SLC26A5: variants seen among roughly 807,000 people sequenced by gnomAD.
The protein encoded by SLC26A5 is prestin.
SLC26A5 carries 51 observed loss-of-function variants against 81.0 expected under a neutral mutation model. The observed-to-expected ratio is 0.63, with a 90% CI of 0.50 to 0.80. The LOEUF is 0.80. SLC26A5 is among the 30% of genes least tolerant of loss of function. The pLI is 0.00. For synonymous variants in SLC26A5, 325 were observed against 332.8 expected, an observed-to-expected ratio of 0.98 and a Z score of 0.25; for missense variants, 771 against 905.8, an observed-to-expected ratio of 0.85 and a Z score of 1.91.
At chr7:103,398,878 G>A (rs530405102) in intron 8 of SLC26A5, among the ~76,000 whole-genome samples, 4 of 152,212 alleles carry the variant, frequency 2.6e-5, no homozygotes, top group African/African-American at 9.6e-5. Context: ...CTTTTGATGG[G>A]AGGATCCTTT....
In SLC26A5 at chr7:103,438,381, TTTC is replaced by T. The variant is rs200991643; in HGVS notation, c.-54+4699_-54+4701del. On this transcript the variant is annotated intron_variant, in intron 2 of 19. Transcript: ENST00000306312. Reference sequence around the variant, plus strand: ...TTAAAAAAATTTCTTTATATTGAGATTTCTTTTCTTTTTTTTTTTTTGAGATGG... The same window carrying T: ...TTAAAAAAATTTCTTTATATTGAGATTTTTCTTTTTTTTTTTTTGAGATGG... Among the ~76,000 whole-genome samples the T allele has an allele frequency of 7.3e-3, 1,083 of 148,574 alleles. 10 individuals are homozygous for T. The highest frequency in any genetic ancestry group is 0.027 in the African/African-American group (1,041 of 38,326).
In SLC26A5 at chr7:103,391,727, A is replaced by G; in HGVS notation, c.1128T>C (p.Ile376=). The part of the protein sequence containing the change: ...GYQVDGNQEL[I]ALGLCNSIGS... ...CAATGGAATTGCACAGTCCCAGGGC[A>G]ATGAGCTCCTTTCCCATGTAGAAAC... The change falls in exon 11 of 20, where the codon ATT becomes ATC. Residue 376 remains isoleucine (I), a synonymous_variant. Coordinates refer to ENST00000306312, the MANE Select transcript of SLC26A5 (RefSeq NM_198999.3). 6.2e-7 allele frequency: 1 copy of G among 1,613,772 alleles called. No individual in the cohort carries two copies. Among genetic ancestry groups the G allele is most frequent in the Non-Finnish European group, 8.5e-7 (1 of 1,179,838 alleles).
chr7:103,415,412 G>T (rs1198692971), intron 4 of SLC26A5, among the ~76,000 whole-genome samples: 1 of 152,076 alleles, frequency 6.6e-6, no homozygotes, highest in East Asian at 1.9e-4. Context: ...CATTCTCAAA[G>T]GAGAGCGCTC....
downstream of SLC26A5, among the ~76,000 whole-genome samples, chr7:103,372,862 A>G (rs1184219883): frequency 7.8e-6 from 1 of 128,726 alleles, no homozygotes; most frequent in African/African-American, 2.9e-5. Context: ...CCACCATCAC[A>G]CCAGAAAAGG....
Position 103,389,350 on chromosome 7 carries a change from C to T in SLC26A5, c.1386G>A (p.Trp462Ter). ...TTACCAGCTCTATTTTGCTGGTTCT[C>T]CAGAAAAAGGGGAGATCTGAGAACT... ...FMQFSDLPFF[W>*]RTSKIELTIW... is the part of the protein sequence containing the mutation. The change falls in exon 13 of 20, where the codon TGG becomes TGA. Residue 462 changes from tryptophan (W) to a stop codon, truncating the protein, a stop_gained. Transcript: ENST00000306312. LOFTEE classifies it high-confidence loss of function. 6.2e-7 allele frequency: 1 copy of T among 1,613,826 alleles called. No homozygotes were observed. Among genetic ancestry groups the T allele is most frequent in the Non-Finnish European group, 8.5e-7 (1 of 1,179,736 alleles).
chr7:103,364,981 A>ATATATATATATATATATT (rs950613120), intron 19 of SLC26A5, among the ~76,000 whole-genome samples: 12 of 140,792 alleles, frequency 8.5e-5, no homozygotes, highest in Non-Finnish European at 1.5e-4. Flanking sequence ...ATATATATAT[A>ATATATATATATATATATT]TATTTAGAGA....
At chr7:103,387,281 G>A (rs1822271776) in intron 14 of SLC26A5, among the ~76,000 whole-genome samples, 1 of 152,152 alleles carries the variant, frequency 6.6e-6, no homozygotes, top group Admixed American at 6.5e-5. Flanking sequence ...TTGTGATGAT[G>A]AAAATGCTCA....
At chr7:103,387,376 A>G (rs544053438) in intron 14 of SLC26A5, among the ~76,000 whole-genome samples, 92 of 152,272 alleles carry the variant, frequency 6.0e-4, no homozygotes, top group African/African-American at 2.1e-3. Context: ...TCAACACATC[A>G]CAGTCACAAC....
chr7:103,431,950 C>T (rs1826112922), intron 2 of SLC26A5, among the ~76,000 whole-genome samples: 2 of 152,104 alleles, frequency 1.3e-5, no homozygotes. Context: ...GGGTCTGGCT[C>T]TGTCACCCAG....
intron 8 of SLC26A5, among the ~76,000 whole-genome samples, chr7:103,402,007 C>T (rs1454107667): frequency 6.6e-6 from 1 of 152,098 alleles, no homozygotes; most frequent in Non-Finnish European, 1.5e-5. Flanking sequence ...GGATGCTGGC[C>T]TGAAATTTTC....
intron 10 of SLC26A5, among the ~76,000 whole-genome samples, chr7:103,391,954 C>T (rs1341483687): frequency 3.3e-5 from 5 of 152,238 alleles, no homozygotes; most frequent in East Asian, 3.9e-4. Context: ...CAGAGATAAA[C>T]GCTGGGCTCC....
chr7:103,359,425 T>C (rs910025715), intron 19 of SLC26A5, among the ~76,000 whole-genome samples: 3 of 152,140 alleles, frequency 2.0e-5, no homozygotes, highest in Admixed American at 1.3e-4. Flanking sequence ...ATCATCACTA[T>C]CTAATTCCAG....
chr7:103,419,894 A>G (rs894430884), intron 4 of SLC26A5, among the ~76,000 whole-genome samples: 2 of 151,876 alleles, frequency 1.3e-5, no homozygotes, highest in Admixed American at 1.3e-4. Flanking sequence ...TTTGCTTATC[A>G]TTATAATTAA....
chr7:103,374,754 T>TA (rs965147076), intron 19 of SLC26A5, among the ~76,000 whole-genome samples, 162 bp from the exon 20 acceptor site: 14 of 148,202 alleles, frequency 9.4e-5, no homozygotes. Context: ...GGCTGGAGAG[T>TA]AGTGGTGTGA....
intron 9 of SLC26A5, among the ~76,000 whole-genome samples, chr7:103,395,069 G>T (rs976392279): frequency 6.6e-6 from 1 of 152,202 alleles, no homozygotes; most frequent in Non-Finnish European, 1.5e-5. Context: ...GCAGACATCT[G>T]CAGATGCATA....
intron 19 of SLC26A5, among the ~76,000 whole-genome samples, chr7:103,361,702 A>G (rs1047456648): frequency 6.6e-6 from 1 of 152,172 alleles, no homozygotes; most frequent in Admixed American, 6.5e-5. Context: ...ATGGAAATCA[A>G]GAAATCAGAG....
rs1403244583 is a variant in SLC26A5, at chr7:103,355,852, T to C, written c.2042-2926A>G. The C allele has an allele frequency of 8.1e-6, 10 of 1,239,482 alleles. No homozygotes were observed. The East Asian group carries it at 2.3e-4, about 29-fold the overall frequency. 76.8% of individuals were successfully genotyped at this position (1,239,482 alleles called of 1,614,324 possible). A position where few individuals can be genotyped will look rare whatever the true frequency, so the allele number is the denominator to read the frequency against. ...GTCTGTATTTTCAAGCACTTAATGT[T>C]AGAGTCTCAGGGATAATGCAATAGT... is the stretch of plus-strand genomic sequence containing the variant. On this transcript the variant is annotated intron_variant, in intron 19 of 19. Coordinates refer to the SLC26A5 transcript ENST00000339444.
At position 103,374,437 on chromosome 7, in the gene SLC26A5, A is replaced by C. The variant is rs770873038; in HGVS notation, c.2197T>G (p.Leu733Val). The stretch of plus-strand genomic sequence containing the variant: ...GTGGCAGGAGTGGCATTGGGCTCCA[A>C]GTCCTCCTGGGAAGGGGGAGCCGAG... ...EASAPPSQED[L>V]EPNATPATPE... The change falls in exon 20 of 20, where the codon TTG becomes GTG. Residue 733 changes from leucine to valine, a missense_variant. Transcript: ENST00000306312. 6 of 1,612,808 alleles carry C rather than the reference A, an allele frequency of 3.7e-6. No individual in the cohort carries two copies. The highest frequency in any genetic ancestry group is 4.2e-6 in the Non-Finnish European group (5 of 1,179,992).
At chr7:103,423,118 A>C (rs966994002) in intron 2 of SLC26A5, among the ~76,000 whole-genome samples, 2 of 151,452 alleles carry the variant, frequency 1.3e-5, no homozygotes, top group Admixed American at 1.3e-4. Context: ...AAAAAAAAAA[A>C]AAAATTAGCT....
Sources: allele counts gnomAD v4.1 joint callset (sites outside exome capture counted in the v4.1 genomes callset), GRCh38; gene constraint gnomAD v4.1.1; transcripts MANE v1.5; gene names NCBI Gene and HGNC (gene_info 2026-07-23, HGNC 2026-07-21).